The following SH3TC2 variants were observed in gnomAD, a reference collection of about 807,000 sequenced individuals.
The protein encoded by SH3TC2 is SH3 domain and tetratricopeptide repeats 2.
In SH3TC2, 87 loss-of-function variants were observed where a neutral mutation model predicts 124.5. That is an observed-to-expected ratio of 0.70 (90% CI 0.59 to 0.84). SH3TC2 has a LOEUF of 0.84. SH3TC2 is among the 40% of genes least tolerant of loss of function. The pLI, the probability that SH3TC2 is intolerant of heterozygous loss-of-function variation, is 0.00. For synonymous variants in SH3TC2, 634 were observed against 628.5 expected (o/e 1.01, Z -0.13); for missense variants, 1,536 against 1,566.4 (o/e 0.98, Z 0.33).
chr5:149,040,845 G>A (rs1754357225), intron 6 of SH3TC2, among the ~76,000 whole-genome samples, 168 bp from the exon 7 acceptor site: 1 of 152,214 alleles, frequency 6.6e-6, no homozygotes, highest in Admixed American at 6.5e-5. Context: ...CCTGTGAAAA[G>A]GTGAGAAGTT....
intron 9 of SH3TC2, 67 bp downstream of exon 9, chr5:149,031,487 G>A (rs1396948490): frequency 6.2e-7 from 1 of 1,605,588 alleles, no homozygotes; most frequent in Non-Finnish European, 8.5e-7. Context: ...TTCTATTCCT[G>A]GTTAGGGACA....
chr5:149,029,937 T>C (rs973848295), intron 9 of SH3TC2, among the ~76,000 whole-genome samples: 3 of 152,124 alleles, frequency 2.0e-5, no homozygotes, highest in Admixed American at 1.3e-4. Flanking sequence ...CTAGTGAACT[T>C]TGAGGACCAG....
At chr5:149,038,742 C>A (rs566285828) in intron 7 of SH3TC2, among the ~76,000 whole-genome samples, 1 of 152,208 alleles carries the variant, frequency 6.6e-6, no homozygotes, top group East Asian at 1.9e-4. Context: ...TTTTAACAAA[C>A]ACAAAAAAAG....
In SH3TC2 at chr5:149,041,162, T is replaced by C. The variant is rs190258676; in HGVS notation, c.731+254A>G. ...AGTCCATACATGGAGAAACACTACATTGGCGGTCGTGTGGTATATTTGCTG... is the reference window on the plus strand; with the variant it reads ...AGTCCATACATGGAGAAACACTACACTGGCGGTCGTGTGGTATATTTGCTG... On this transcript the variant is annotated intron_variant, in intron 6 of 16. Transcript: ENST00000515425. 2.0e-5 allele frequency among the ~76,000 whole-genome samples: 3 copies of C among 152,346 alleles called. No individual in the cohort carries two copies. The East Asian group carries it at 5.8e-4, about 29-fold the overall frequency.
intron 13 of SH3TC2, among the ~76,000 whole-genome samples, chr5:149,010,888 C>T (rs999709031): frequency 1.3e-5 from 2 of 152,194 alleles, no homozygotes; most frequent in Non-Finnish European, 2.9e-5. Context: ...TCCACTTCAA[C>T]ATCTTACACT....
rs1753286919 is a variant in SH3TC2 at position 148,983,619 on chromosome 5, C to A, written c.*21092G>T. Among the ~76,000 whole-genome samples, 2 of 152,124 alleles carry A rather than the reference C, an allele frequency of 1.3e-5. No homozygotes were observed. The highest frequency in any genetic ancestry group is 1.3e-4 in the Admixed American group (2 of 15,268). ...CCTTCCAGTAACAGCAATCTAGCTT[C>A]CTATTTTGGGGTTTCCTTCCCCCTA... On this transcript the variant is annotated 3_prime_UTR_variant, in exon 17 of 17. Transcript: ENST00000515425.
rs1468005168 is a variant in SH3TC2 at position 148,995,623 on chromosome 5, GT to G, written c.*9087del. On this transcript the variant is annotated 3_prime_UTR_variant, in exon 17 of 17. Coordinates refer to ENST00000515425, the MANE Select transcript of SH3TC2 (RefSeq NM_024577.4). Reference sequence around the variant, plus strand: ...ATGAGCAATAAGTAGTTATATTATAGTTTTAAAACTTTCTCCCTGAAGGTCA... The same window carrying G: ...ATGAGCAATAAGTAGTTATATTATAGTTTAAAACTTTCTCCCTGAAGGTCA... Among the ~76,000 whole-genome samples, 1 of 152,122 alleles carries G rather than the reference GT, an allele frequency of 6.6e-6. No homozygotes were observed. Among genetic ancestry groups the G allele is most frequent in the Non-Finnish European group, 1.5e-5 (1 of 68,022 alleles).
In SH3TC2 at chr5:148,990,240, T is replaced by C. The variant is rs1438629358; in HGVS notation, c.*14471A>G. On this transcript the variant is annotated 3_prime_UTR_variant, in exon 17 of 17. Coordinates refer to ENST00000515425, the MANE Select transcript of SH3TC2 (RefSeq NM_024577.4). ...TTCTCCTACTAGGACATTGGTCATT[T>C]AAAATATATTCATAGTAAGATGACA... Among the ~76,000 whole-genome samples, 1 of 152,076 alleles carries C rather than the reference T, an allele frequency of 6.6e-6. No homozygotes were observed. Among genetic ancestry groups the C allele is most frequent in the Non-Finnish European group, 1.5e-5 (1 of 68,004 alleles).
rs772390396 is a variant in SH3TC2 at position 148,985,523 on chromosome 5, G to A, written c.*19188C>T. Among the ~76,000 whole-genome samples, 2 of 152,166 alleles carry A rather than the reference G, an allele frequency of 1.3e-5. No homozygotes were observed. The highest frequency in any genetic ancestry group is 2.4e-5 in the African/African-American group (1 of 41,440). Reference sequence around the variant, plus strand: ...AATGCATTTGATGTAACTCCAAGTTGTTGCATGTATTGGGTGCTCATTTCT... The same window carrying A: ...AATGCATTTGATGTAACTCCAAGTTATTGCATGTATTGGGTGCTCATTTCT... On this transcript the variant is annotated 3_prime_UTR_variant, in exon 17 of 17. Transcript: ENST00000515425.
In SH3TC2 at chr5:148,989,640, T is replaced by A. The variant is rs1359891669; in HGVS notation, c.*15071A>T. ...ATTGCTGCAGATGTTGGTACAATTCTGTATTGTCCGGTTTGCACTGATAAT... is the reference window on the plus strand; with the variant it reads ...ATTGCTGCAGATGTTGGTACAATTCAGTATTGTCCGGTTTGCACTGATAAT... On this transcript the variant is annotated 3_prime_UTR_variant, in exon 17 of 17. Transcript: ENST00000515425. 1.3e-5 allele frequency among the ~76,000 whole-genome samples: 2 copies of A among 152,244 alleles called. No individual in the cohort carries two copies. The highest frequency in any genetic ancestry group is 4.8e-5 in the African/African-American group (2 of 41,464).
chr5:149,044,096 T>C, intron 4 of SH3TC2: 1 of 193,560 alleles, frequency 5.2e-6, no homozygotes, highest in Non-Finnish European at 1.1e-5. Context: ...ATTTCTTTCT[T>C]TAACTCTTTT....
At chr5:149,012,788 C>T in intron 12 of SH3TC2, 54 bp from the exon 13 acceptor site, 1 of 1,598,436 alleles carries the variant, frequency 6.3e-7, no homozygotes, top group Non-Finnish European at 8.6e-7. Flanking sequence ...GCCTTAGGGT[C>T]CACTCAGCAC....
intron 9 of SH3TC2, among the ~76,000 whole-genome samples, chr5:149,029,963 G>C (rs1024966769): frequency 2.0e-5 from 3 of 152,162 alleles, no homozygotes; most frequent in African/African-American, 7.2e-5. Context: ...CCCTCACCAA[G>C]TCAAACCTTT....
Position 149,028,401 on chromosome 5 carries a change from G to A in SH3TC2, c.1331C>T (p.Pro444Leu). ...CAGTTCCGGGTCATCAAGGTCATCAGGCTCCGGCAGGCGATAGCTGTCTGA... is the reference window on the plus strand; with the variant it reads ...CAGTTCCGGGTCATCAAGGTCATCAAGCTCCGGCAGGCGATAGCTGTCTGA... ...ATSDSYRLPE[P>L]DDLDDPELLM... Residue 444 changes from proline (P) to leucine (L), a missense_variant, in exon 11 of 17, where the codon CCT becomes CTT. By Grantham distance (98) the Pro-to-Leu change is moderately conservative (BLOSUM62 -3). Transcript: ENST00000515425. 1.2e-6 allele frequency: 2 copies of A among 1,614,078 alleles called. No individual in the cohort carries two copies. The highest frequency in any genetic ancestry group is 1.7e-6 in the Non-Finnish European group (2 of 1,180,012).
chr5:149,020,295 C>G (rs1358582748), intron 12 of SH3TC2, among the ~76,000 whole-genome samples: 4 of 151,858 alleles, frequency 2.6e-5, no homozygotes, highest in Non-Finnish European at 5.9e-5. Context: ...AATTATTACC[C>G]CAGGGTAACC....
At chr5:149,060,790 G>A (rs1005080003) in intron 1 of SH3TC2, among the ~76,000 whole-genome samples, 1 of 152,124 alleles carries the variant, frequency 6.6e-6, no homozygotes, top group Admixed American at 6.5e-5. Flanking sequence ...TCCATGAGAG[G>A]AATTATTAAA....
At chr5:149,005,630 C>A (rs982248868) in intron 16 of SH3TC2, among the ~76,000 whole-genome samples, 2 of 152,106 alleles carry the variant, frequency 1.3e-5, no homozygotes, top group African/African-American at 4.8e-5. Flanking sequence ...GCTTCACTAC[C>A]CCCGGCCCTC....
intron 12 of SH3TC2, among the ~76,000 whole-genome samples, chr5:149,024,584 T>C (rs1262479829): frequency 1.3e-5 from 2 of 152,204 alleles, no homozygotes; most frequent in Non-Finnish European, 2.9e-5. Flanking sequence ...TCAACTTATC[T>C]TTACAGATGG....
rs138303846 is a variant in SH3TC2, at chr5:149,028,492, C to T, written c.1240G>A (p.Val414Met). The T allele has an allele frequency of 2.2e-4, 354 of 1,613,234 alleles. 1 individual carries two copies. Among genetic ancestry groups the T allele is most frequent in the South Asian group, 3.8e-4 (35 of 91,014 alleles). ...GAGCTGCTGGACTGTCTGGACCCCA[C>T]GGCCTGATGCTCCTCCCAGGCTCTG... ...PGRAWEEHQA[V>M]GSRQSSSSED... The change falls in exon 11 of 17, where the codon GTG becomes ATG. Residue 414 changes from valine to methionine, a missense_variant. This residue lies in a region of SH3TC2 where 1,102 missense variants were observed against 1,098.6 expected (regional missense o/e 1.00). Coordinates refer to ENST00000515425, the MANE Select transcript of SH3TC2 (RefSeq NM_024577.4).
Sources: allele counts gnomAD v4.1 joint callset (sites outside exome capture counted in the v4.1 genomes callset), GRCh38; gene constraint gnomAD v4.1.1; regional missense constraint gnomAD v4.1.1; transcripts MANE v1.5; gene names NCBI Gene and HGNC (gene_info 2026-07-23, HGNC 2026-07-21).